CFAP61: variants seen among roughly 807,000 people sequenced by gnomAD.
CFAP61 encodes the protein cilia and flagella associated protein 61, also known as cilia- and flagella-associated protein 61.
In CFAP61, 107 loss-of-function variants were observed where a neutral mutation model predicts 135.6. That is an observed-to-expected ratio of 0.79 (90% CI 0.67 to 0.93). CFAP61 has a LOEUF of 0.93. Ranked by LOEUF, CFAP61 falls within the 40% of genes least tolerant of loss-of-function variation. The pLI, the probability that CFAP61 is intolerant of heterozygous loss-of-function variation, is 0.00. For synonymous variants in CFAP61, 575 were observed against 578.5 expected (o/e 0.99, Z 0.09); for missense variants, 1,507 against 1,556.2 (o/e 0.97, Z 0.53).
chr20:20,258,336 A>G (rs1174612497), intron 20 of CFAP61: 1 of 152,170 alleles, frequency 6.6e-6, no homozygotes, highest in African/African-American at 2.4e-5. Context: ...GAGAATATAG[A>G]GGTCATGAAC....
intron 25 of CFAP61, among the ~76,000 whole-genome samples, chr20:20,313,845 A>G (rs370750633): frequency 6.6e-6 from 1 of 152,196 alleles, no homozygotes; most frequent in Non-Finnish European, 1.5e-5. Context: ...ACGTCATAAC[A>G]TGGTGGGGAA....
At chr20:20,337,967 C>T (rs1423643462) in intron 25 of CFAP61, among the ~76,000 whole-genome samples, 1 of 152,196 alleles carries the variant, frequency 6.6e-6, no homozygotes, top group Non-Finnish European at 1.5e-5. Flanking sequence ...TAATCTGACT[C>T]ATCAAAGAAA....
intron 2 of CFAP61, among the ~76,000 whole-genome samples, chr20:20,062,774 T>C (rs952499946): frequency 1.3e-5 from 2 of 152,220 alleles, no homozygotes; most frequent in African/African-American, 2.4e-5. Context: ...ATTTAAAAAA[T>C]TAGTTTCTTC....
At chr20:20,152,013 A>G (rs887039665) in intron 9 of CFAP61, among the ~76,000 whole-genome samples, 2 of 152,116 alleles carry the variant, frequency 1.3e-5, no homozygotes, top group Non-Finnish European at 2.9e-5. Flanking sequence ...GATTTACAGC[A>G]GGTTTCTCAG....
intron 21 of CFAP61, among the ~76,000 whole-genome samples, chr20:20,275,115 C>T (rs1465372770): frequency 2.0e-5 from 3 of 152,188 alleles, no homozygotes; most frequent in Non-Finnish European, 4.4e-5. Flanking sequence ...GGCCCTTGTG[C>T]TTGCCTTTCT....
At chr20:20,076,215 A>G (rs1435313344) in intron 6 of CFAP61, among the ~76,000 whole-genome samples, 1 of 152,088 alleles carries the variant, frequency 6.6e-6, no homozygotes, top group Non-Finnish European at 1.5e-5. Context: ...GACTGCTTTG[A>G]CCAGTAGACC....
Position 20,106,000 on chromosome 20 carries a change from C to CTATATA in CFAP61, c.859+7231_859+7236dup, listed in dbSNP as rs10523115. ...CTTCGAAAGCTTTAGCTACTCTTGC[C>CTATATA]TATATATATATATATATATATATAT... On this transcript the variant is annotated intron_variant, in intron 8 of 26. Coordinates refer to ENST00000245957, the MANE Select transcript of CFAP61 (RefSeq NM_015585.4). Among the ~76,000 whole-genome samples, 121 of 102,528 alleles carry CTATATA rather than the reference C, an allele frequency of 1.2e-3. 2 individuals carry two copies. The highest frequency in any genetic ancestry group is 1.5e-3 in the Non-Finnish European group (78 of 52,958). 67.3% of individuals were successfully genotyped at this position (102,528 alleles called of 152,430 possible).
intron 20 of CFAP61, among the ~76,000 whole-genome samples, chr20:20,257,558 G>A (rs949978097): frequency 1.3e-5 from 2 of 150,014 alleles, no homozygotes; most frequent in East Asian, 4.0e-4. Context: ...AGGTTGCAGT[G>A]AGCCGAGATT....
At chr20:20,065,730 C>G (rs1040505377) in intron 2 of CFAP61, among the ~76,000 whole-genome samples, 13 of 151,874 alleles carry the variant, frequency 8.6e-5, no homozygotes, top group Middle Eastern at 3.4e-3. Flanking sequence ...ACCTAAAAAT[C>G]CAGCTAAATT....
At chr20:20,116,228 CAT>C (rs2049131381) in intron 8 of CFAP61, among the ~76,000 whole-genome samples, 1 of 152,104 alleles carries the variant, frequency 6.6e-6, no homozygotes, top group Non-Finnish European at 1.5e-5. Context: ...GTTGTCCATT[CAT>C]ATGTCTTCTT....
intron 8 of CFAP61, among the ~76,000 whole-genome samples, chr20:20,133,607 T>C (rs2050703421): frequency 6.6e-6 from 1 of 152,244 alleles, no homozygotes; most frequent in Admixed American, 6.5e-5. Context: ...TTGCAACCCA[T>C]GTTCACACAC....
intron 20 of CFAP61, among the ~76,000 whole-genome samples, chr20:20,260,678 T>G (rs2052099748): frequency 6.6e-6 from 1 of 152,240 alleles, no homozygotes; most frequent in Non-Finnish European, 1.5e-5. Flanking sequence ...TTTTTTCTCC[T>G]CTTCCTTTTT....
At chr20:20,217,676 G>C (rs748858974) in intron 17 of CFAP61, among the ~76,000 whole-genome samples, 6 of 152,240 alleles carry the variant, frequency 3.9e-5, no homozygotes, top group African/African-American at 1.2e-4. Context: ...TTCCCTGGGG[G>C]AACAGAAGTT....
intron 22 of CFAP61, among the ~76,000 whole-genome samples, chr20:20,285,276 G>GT (rs1381323394): frequency 1.2e-3 from 143 of 118,696 alleles, no homozygotes; most frequent in Non-Finnish European, 2.3e-3. Context: ...TCTAAGCATG[G>GT]TTTGTTTTTT....
chr20:20,265,281 C>G, intron 21 of CFAP61: 2 of 720,916 alleles, frequency 2.8e-6, no homozygotes, highest in Admixed American at 2.0e-5. Context: ...AGCATTTGAC[C>G]AAGAAAAGAG....
intron 26 of CFAP61, among the ~76,000 whole-genome samples, chr20:20,354,331 G>A (rs1373180018): frequency 4.6e-5 from 7 of 151,932 alleles, no homozygotes; most frequent in African/African-American, 7.3e-5. Flanking sequence ...GTGAAACCTC[G>A]TCTGTACTAA....
At chr20:20,195,304 C>T (rs2056209768) in intron 15 of CFAP61, among the ~76,000 whole-genome samples, 2 of 152,184 alleles carry the variant, frequency 1.3e-5, no homozygotes, top group Admixed American at 1.3e-4. Flanking sequence ...TTGCATTCTC[C>T]AATTTCTGTT....
chr20:20,061,520 C>T (rs1476710425), intron 2 of CFAP61, among the ~76,000 whole-genome samples: 1 of 152,112 alleles, frequency 6.6e-6, no homozygotes, highest in Admixed American at 6.5e-5. Flanking sequence ...GCTAGTATTG[C>T]TATATCAACA....
chr20:20,247,993 A>G (rs2050599371), intron 19 of CFAP61, among the ~76,000 whole-genome samples: 1 of 152,108 alleles, frequency 6.6e-6, no homozygotes, highest in African/African-American at 2.4e-5. Context: ...TATTCTTCAT[A>G]TTTATATCCA....
Sources: allele counts gnomAD v4.1 joint callset (sites outside exome capture counted in the v4.1 genomes callset), GRCh38; gene constraint gnomAD v4.1.1; transcripts MANE v1.5; gene names NCBI Gene and HGNC (gene_info 2026-07-23, HGNC 2026-07-21).